The following KCTD4 variants were observed in gnomAD, a reference collection of about 807,000 sequenced individuals.
KCTD4 encodes the protein potassium channel tetramerization domain containing 4.
A neutral mutation model predicts 18.3 loss-of-function variants in KCTD4; 12 were observed. The ratio of observed to expected loss-of-function variants is 0.66; its 90% CI spans 0.42 to 1.06. The LOEUF (loss-of-function observed/expected upper bound fraction) is 1.06, where lower values mean the gene tolerates loss of function less well. Among genes scored for constraint, KCTD4 ranks in the 50% least tolerant of loss-of-function variants. The pLI is 0.00. For synonymous variants in KCTD4, 124 were observed against 110.5 expected, an observed-to-expected ratio of 1.12 and a Z score of -0.76; for missense variants, 250 against 303.4, an observed-to-expected ratio of 0.82 and a Z score of 1.31.
intron 1 of KCTD4, among the ~76,000 whole-genome samples, chr13:45,200,552 C>T (rs1277366825): frequency 6.6e-6 from 1 of 152,124 alleles, no homozygotes; most frequent in Non-Finnish European, 1.5e-5. Context: ...CCTCAGCCTC[C>T]CAAAGTGTTG....
intron 1 of KCTD4, among the ~76,000 whole-genome samples, chr13:45,196,913 C>T (rs956695738): frequency 6.6e-6 from 1 of 152,092 alleles, no homozygotes; most frequent in Non-Finnish European, 1.5e-5. Context: ...CTTCCTAGCT[C>T]ACTCACTTTT....
At chr13:45,195,315 A>G (rs973025969) in intron 1 of KCTD4, among the ~76,000 whole-genome samples, 3 of 151,982 alleles carry the variant, frequency 2.0e-5, no homozygotes, top group African/African-American at 4.8e-5. Flanking sequence ...TAGGCTTTAC[A>G]GTAATCACTT....
At chr13:45,195,496 ACTAC>A in intron 1 of KCTD4, among the ~76,000 whole-genome samples, 1 of 152,158 alleles carries the variant, frequency 6.6e-6, no homozygotes, top group Non-Finnish European at 1.5e-5. Context: ...CAGAATACCT[ACTAC>A]AAAATAGTGT....
chr13:45,194,159 G>A lies in KCTD4; in HGVS notation c.409C>T (p.Pro137Ser). 6.2e-7 allele frequency: 1 copy of A among 1,614,118 alleles called. No individual in the cohort carries two copies. The highest frequency in any genetic ancestry group is 8.5e-7 in the Non-Finnish European group (1 of 1,180,012). The change falls in exon 2 of 2, where the codon CCC (proline) becomes TCC (serine). Residue 137 changes from proline (P) to serine (S), a missense_variant. By Grantham distance (74) the Pro-to-Ser change is moderately conservative (BLOSUM62 -1). Transcript: ENST00000379108. ...ATTTCCAAGAAAGTAGTCTCTCTGG[G>A]TGTTAGCTGTTCTTTCTCCCACCTG... ...KSRWEKEQLT[P>S]RETTFLEITD...
chr13:45,196,660 A>G (rs1051302428), intron 1 of KCTD4, among the ~76,000 whole-genome samples: 1 of 152,254 alleles, frequency 6.6e-6, no homozygotes, highest in Non-Finnish European at 1.5e-5. Flanking sequence ...TAACTGTAGT[A>G]TAGTGATGGA....
intron 1 of KCTD4, among the ~76,000 whole-genome samples, chr13:45,200,042 C>T (rs1476403457): frequency 1.3e-5 from 2 of 151,878 alleles, no homozygotes; most frequent in African/African-American, 4.8e-5. Flanking sequence ...ATTTCTATAA[C>T]TGAGGTACAT....
intron 1 of KCTD4, among the ~76,000 whole-genome samples, chr13:45,196,684 T>C (rs1448722411): frequency 6.6e-6 from 1 of 152,204 alleles, no homozygotes. Context: ...TGTGCTAGCA[T>C]GTTCTTGTTT....
chr13:45,193,485 G>T lies in KCTD4; in HGVS notation c.*303C>A. ...CTTTCTTTTTTGTGCAAATACCCAAGACAATCTGAATTGAAAGACAGCTTA... is the reference window on the plus strand; with the variant it reads ...CTTTCTTTTTTGTGCAAATACCCAATACAATCTGAATTGAAAGACAGCTTA... On this transcript the variant is annotated 3_prime_UTR_variant, in exon 2 of 2. Coordinates refer to ENST00000379108, the MANE Select transcript of KCTD4 (RefSeq NM_198404.3). The T allele has an allele frequency of 3.8e-6, 1 of 260,524 alleles. No individual in the cohort carries two copies. The highest frequency in any genetic ancestry group is 7.3e-6 in the Non-Finnish European group (1 of 137,856). The allele number at this position is 260,524 out of a possible 1,614,324, so 16.1% of individuals were successfully genotyped here.
rs1872726394 is a variant in KCTD4, at chr13:45,193,248, C to T, written c.*540G>A. 1 of 152,182 alleles carries T rather than the reference C, an allele frequency of 6.6e-6. No individual in the cohort carries two copies. The highest frequency in any genetic ancestry group is 1.5e-5 in the Non-Finnish European group (1 of 68,050). 9.4% of individuals were successfully genotyped at this position (152,182 alleles called of 1,614,324 possible). A position where few individuals can be genotyped will look rare whatever the true frequency, so the allele number is the denominator to read the frequency against. ...GGTGCTTGCTATGGAAAAATCAAATCAATAGCTTTAATGTCTTCTTACAAT... is the reference window on the plus strand; with the variant it reads ...GGTGCTTGCTATGGAAAAATCAAATTAATAGCTTTAATGTCTTCTTACAAT... On this transcript the variant is annotated 3_prime_UTR_variant, in exon 2 of 2. Coordinates refer to ENST00000379108, the MANE Select transcript of KCTD4 (RefSeq NM_198404.3).
Position 45,193,738 on chromosome 13 carries a change from C to G in KCTD4, c.*50G>C, listed in dbSNP as rs754320190. Reference sequence around the variant, plus strand: ...GGGATGTCTTTGATGCTGTGGTTTTCCGAAGCTTGCTGGCTGCATGCTTGT... The same window carrying G: ...GGGATGTCTTTGATGCTGTGGTTTTGCGAAGCTTGCTGGCTGCATGCTTGT... On this transcript the variant is annotated 3_prime_UTR_variant, in exon 2 of 2. Transcript: ENST00000379108. 3 of 1,518,108 alleles carry G rather than the reference C, an allele frequency of 2.0e-6. No individual in the cohort carries two copies. The highest frequency in any genetic ancestry group is 2.7e-6 in the Non-Finnish European group (3 of 1,131,036). 94.0% of individuals were successfully genotyped at this position (1,518,108 alleles called of 1,614,324 possible). A position where few individuals can be genotyped will look rare whatever the true frequency, so the allele number is the denominator to read the frequency against.
At chr13:45,194,981 G>T (rs1369042501) in intron 1 of KCTD4, among the ~76,000 whole-genome samples, 1 of 152,146 alleles carries the variant, frequency 6.6e-6, no homozygotes, top group Non-Finnish European at 1.5e-5. Context: ...GCTTAATGTT[G>T]AATAATATTG....
chr13:45,196,735 G>C (rs1039930744), intron 1 of KCTD4, among the ~76,000 whole-genome samples: 6 of 152,172 alleles, frequency 3.9e-5, no homozygotes, highest in African/African-American at 1.4e-4. Context: ...CTCTGGGTCT[G>C]CTTCCTTACA....
intron 1 of KCTD4, among the ~76,000 whole-genome samples, chr13:45,200,611 A>G (rs1873134225): frequency 6.6e-6 from 1 of 152,226 alleles, no homozygotes; most frequent in African/African-American, 2.4e-5. Context: ...TGAAGATCAA[A>G]TAGAGATCAG....
chr13:45,193,549 C>T lies in KCTD4; in HGVS notation c.*239G>A, dbSNP rs575286288. ...AGCAAAAGCTTTCAGTCTTTATTTA[C>T]AGTATATAGAAGGTTACTGTTTTCA... On this transcript the variant is annotated 3_prime_UTR_variant, in exon 2 of 2. Coordinates refer to ENST00000379108, the MANE Select transcript of KCTD4 (RefSeq NM_198404.3). 5.0e-6 allele frequency: 2 copies of T among 396,834 alleles called. No homozygotes were observed. Among genetic ancestry groups the T allele is most frequent in the East Asian group, 3.7e-5 (1 of 27,246 alleles). 24.6% of individuals were successfully genotyped at this position (396,834 alleles called of 1,614,324 possible).
Position 45,193,757 on chromosome 13 carries a change from T to G in KCTD4, c.*31A>C, listed in dbSNP as rs1165943119. The stretch of plus-strand genomic sequence containing the variant: ...GGTTTTCCGAAGCTTGCTGGCTGCA[T>G]GCTTGTTGCCTTTGTTCGTGACACA... On this transcript the variant is annotated 3_prime_UTR_variant, in exon 2 of 2. Coordinates refer to ENST00000379108, the MANE Select transcript of KCTD4 (RefSeq NM_198404.3). 6 of 1,540,768 alleles carry G rather than the reference T, an allele frequency of 3.9e-6. No individual in the cohort carries two copies. Among genetic ancestry groups the G allele is most frequent in the Non-Finnish European group, 5.2e-6 (6 of 1,147,560 alleles).
chr13:45,196,187 A>G (rs1266109129), intron 1 of KCTD4, among the ~76,000 whole-genome samples: 3 of 152,244 alleles, frequency 2.0e-5, no homozygotes, highest in East Asian at 3.8e-4. Flanking sequence ...AAATCGAACT[A>G]GAAAACTAAG....
At chr13:45,199,841 A>G (rs955898049) in intron 1 of KCTD4, among the ~76,000 whole-genome samples, 2 of 152,064 alleles carry the variant, frequency 1.3e-5, no homozygotes, top group Admixed American at 6.6e-5. Context: ...GTTCCTTCTG[A>G]TTTTCTCATC....
Position 45,194,634 on chromosome 13 carries a change from C to T in KCTD4, c.-67G>A. On this transcript the variant is annotated 5_prime_UTR_variant, in exon 2 of 2. The change creates a new upstream start codon in the 5' untranslated region. Transcript: ENST00000379108. ...GATTTTTTAAAAAGAGACACTACCA[C>T]ACAAGCACGCCTTTATTCAGCCCCA... is the stretch of plus-strand genomic sequence containing the variant. 1 of 1,371,028 alleles carries T rather than the reference C, an allele frequency of 7.3e-7. No homozygotes were observed. Among genetic ancestry groups the T allele is most frequent in the Non-Finnish European group, 1.0e-6 (1 of 987,844 alleles). The allele number at this position is 1,371,028 out of a possible 1,614,324, so 84.9% of individuals were successfully genotyped here.
At chr13:45,195,392 G>A (rs955428888) in intron 1 of KCTD4, among the ~76,000 whole-genome samples, 6 of 152,054 alleles carry the variant, frequency 3.9e-5, no homozygotes, top group African/African-American at 1.2e-4. Flanking sequence ...CTGCTTCTGT[G>A]CTGAACAAAG....
Sources: allele counts gnomAD v4.1 joint callset (sites outside exome capture counted in the v4.1 genomes callset), GRCh38; gene constraint gnomAD v4.1.1; transcripts MANE v1.5; gene names NCBI Gene and HGNC (gene_info 2026-07-23, HGNC 2026-07-21).